The following CCT5 variants were observed in gnomAD, a reference collection of about 807,000 sequenced individuals.
CCT5 encodes chaperonin containing TCP1 subunit 5.
Under a neutral mutation model 55.0 loss-of-function variants are expected in CCT5, and 6 were observed. The observed-to-expected ratio is 0.11, with a 90% CI of 0.06 to 0.22. The LOEUF is 0.22. Among genes scored for constraint, CCT5 ranks in the 10% least tolerant of loss-of-function variants. CCT5 has a pLI of 1.00. For missense variants in CCT5, 560 were observed against 694.6 expected (o/e 0.81, Z 2.18); for synonymous variants, 231 against 243.7 (o/e 0.95, Z 0.49).
At chr5:10,254,410 A>G in intron 2 of CCT5, 1 of 494,506 alleles carries the variant, frequency 2.0e-6, no homozygotes, top group South Asian at 2.7e-5. Context: ...TTTTTTTTTT[A>G]GCATGTAACA....
chr5:10,262,184 G>T, intron 8 of CCT5: 2 of 425,014 alleles, frequency 4.7e-6, no homozygotes, highest in Non-Finnish European at 4.4e-6. Flanking sequence ...AACCATTGAC[G>T]ATCTCTGTTC....
chr5:10,250,514 G>A lies in CCT5; in HGVS notation c.105+69G>A, dbSNP rs892468993. 81 of 1,592,200 alleles carry A rather than the reference G, an allele frequency of 5.1e-5. 1 individual carries two copies. In the East Asian group the frequency reaches 1.8e-3, roughly 36 times the overall value. The stretch of plus-strand genomic sequence containing the variant: ...GCCGAGGCCGTGGCTCTGCGCCTGC[G>A]CGAGTTGAGGAGCGGCTCTGCCATG... On this transcript the variant is annotated intron_variant, in intron 1 of 10. Transcript: ENST00000280326.
intron 10 of CCT5, among the ~76,000 whole-genome samples, chr5:10,264,351 A>C (rs1184007535): frequency 6.6e-6 from 1 of 152,192 alleles, no homozygotes; most frequent in South Asian, 2.1e-4. Flanking sequence ...TAGATTTCCT[A>C]AGTTAGGGTA....
chr5:10,262,312 T>C, intron 8 of CCT5, 169 bp from the exon 9 acceptor site: 2 of 740,900 alleles, frequency 2.7e-6, no homozygotes, highest in East Asian at 5.6e-5. Flanking sequence ...TCTTGAATTT[T>C]GTTAACTACA....
chr5:10,250,608 T>C, intron 1 of CCT5, 163 bp downstream of exon 1: 6 of 1,450,754 alleles, frequency 4.1e-6, no homozygotes, highest in Non-Finnish European at 5.4e-6. Flanking sequence ...CTTACTGAGC[T>C]CGGGAGACGC....
rs1473097445 is a variant in CCT5 at position 10,260,779 on chromosome 5, G to C, written c.874-13G>C. 1 of 1,612,954 alleles carries C rather than the reference G, an allele frequency of 6.2e-7. No individual in the cohort carries two copies. The highest frequency in any genetic ancestry group is 8.5e-7 in the Non-Finnish European group (1 of 1,179,726). ...ACTTTCTCTTAATACGATTGTGGTG[G>C]TTCTTTTCCCAGATTAAAGAGACTG... On this transcript the variant is annotated splice_polypyrimidine_tract_variant and intron_variant, in intron 6 of 10. Transcript: ENST00000280326.
At chr5:10,249,926 AAAAAAAAAC>A (rs1403731157), upstream of CCT5, 11,974 of 947,026 alleles carry the variant, frequency 0.013, 680 homozygotes, top group East Asian at 0.21. Context: ...AAAAAAAAAA[AAAAAAAAAC>A]CGGAAATGGG....
intron 6 of CCT5, among the ~76,000 whole-genome samples, chr5:10,259,329 C>T (rs147963382): frequency 2.0e-5 from 3 of 152,276 alleles, no homozygotes; most frequent in African/African-American, 7.2e-5. Context: ...AAGACAGGAA[C>T]GTGGGTTGGT....
chr5:10,258,315 C>A lies in CCT5; in HGVS notation c.723+12C>A. 1 of 1,614,034 alleles carries A rather than the reference C, an allele frequency of 6.2e-7. No homozygotes were observed. Among genetic ancestry groups the A allele is most frequent in the Non-Finnish European group, 8.5e-7 (1 of 1,179,956 alleles). On this transcript the variant is annotated intron_variant, in intron 5 of 10. Coordinates refer to ENST00000280326, the MANE Select transcript of CCT5 (RefSeq NM_012073.5). ...CACAGATGCCAAAAGTGAGCCATTG[C>A]ATCTCACAGCTTCGCACTGTTGGTT...
upstream of CCT5, chr5:10,250,216 A>G (rs552002776): frequency 2.7e-4 from 413 of 1,557,114 alleles, 3 homozygotes; most frequent in East Asian, 6.6e-3. Context: ...CAGTAGAAAC[A>G]TAAGTCCCGC....
rs555586616 is a variant in CCT5, at chr5:10,259,092, T to A, written c.873+557T>A. Among the ~76,000 whole-genome samples, 5 of 152,350 alleles carry A rather than the reference T, an allele frequency of 3.3e-5. No individual in the cohort carries two copies. The East Asian group carries it at 7.7e-4, about 23-fold the overall frequency. On this transcript the variant is annotated intron_variant, in intron 6 of 10. Transcript: ENST00000280326. ...TATTATATTTGCCGTCCTGGACAAA[T>A]TTAACTTAGCTTACCTTGCCTTTAA...
At chr5:10,250,681 G>T (rs1189081152) in intron 1 of CCT5, 7 of 1,398,598 alleles carry the variant, frequency 5.0e-6, no homozygotes, top group African/African-American at 1.5e-5. Context: ...GCGCCCTTCG[G>T]AGCTGGGTGG....
chr5:10,251,448 G>A (rs1270887014), intron 1 of CCT5, among the ~76,000 whole-genome samples: 1 of 152,148 alleles, frequency 6.6e-6, no homozygotes, highest in Non-Finnish European at 1.5e-5. Context: ...GGGACACTCC[G>A]AGAGGGCCTT....
At chr5:10,263,472 A>C (rs1036167467) in intron 10 of CCT5, among the ~76,000 whole-genome samples, 158 bp downstream of exon 10, 5 of 152,250 alleles carry the variant, frequency 3.3e-5, no homozygotes, top group African/African-American at 1.2e-4. Context: ...TGATTGCCGT[A>C]GGAATTGGTT....
At chr5:10,264,512 T>C (rs920648077) in intron 10 of CCT5, 144 bp from the exon 11 acceptor site, 79 of 687,928 alleles carry the variant, frequency 1.1e-4, no homozygotes, top group Non-Finnish European at 3.7e-5. Context: ...AAATGAAATA[T>C]AACTGAAATT....
At position 10,256,051 on chromosome 5, in the gene CCT5, T is replaced by C; in HGVS notation, c.428T>C (p.Val143Ala). The change falls in exon 4 of 11, where the codon GTT becomes GCT. Residue 143 changes from valine to alanine, a missense_variant. By Grantham distance (64) the Val-to-Ala change is moderately conservative (BLOSUM62 0). Transcript: ENST00000280326. Reference protein sequence around the residue: ...IADGYEQAARVAIEHLDKISD... With the variant: ...IADGYEQAARAAIEHLDKISD... ...GATGGCTATGAGCAGGCTGCTCGTG[T>C]TGCTATTGAACACCTGGACAAGATC... 1 of 1,614,096 alleles carries C rather than the reference T, an allele frequency of 6.2e-7. No homozygotes were observed. The highest frequency in any genetic ancestry group is 8.5e-7 in the Non-Finnish European group (1 of 1,179,928).
chr5:10,257,066 T>C (rs576961654), intron 4 of CCT5, among the ~76,000 whole-genome samples: 22 of 152,372 alleles, frequency 1.4e-4, no homozygotes, highest in African/African-American at 5.3e-4. Context: ...TATTACATTA[T>C]ATTAAATCAG....
rs773546685 is a variant in CCT5 at position 10,250,287 on chromosome 5, C to T, written c.-54C>T. On this transcript the variant is annotated 5_prime_UTR_variant, in exon 1 of 11. Coordinates refer to ENST00000280326, the MANE Select transcript of CCT5 (RefSeq NM_012073.5). Reference sequence around the variant, plus strand: ...CTCCCGAGAAAGGGAAGTGCATTCTCGCTTCCGTAGCGGTCTCCGCCGGTT... The same window carrying T: ...CTCCCGAGAAAGGGAAGTGCATTCTTGCTTCCGTAGCGGTCTCCGCCGGTT... The T allele has an allele frequency of 5.0e-6, 8 of 1,612,602 alleles. No homozygotes were observed. The East Asian group carries it at 1.3e-4, about 27-fold the overall frequency.
chr5:10,252,044 G>A (rs576984406), intron 1 of CCT5, among the ~76,000 whole-genome samples: 3 of 152,330 alleles, frequency 2.0e-5, no homozygotes, highest in South Asian at 4.1e-4. Context: ...CAGGGCCACC[G>A]CTGTCAGAGT....
Sources: allele counts gnomAD v4.1 joint callset (sites outside exome capture counted in the v4.1 genomes callset), GRCh38; gene constraint gnomAD v4.1.1; transcripts MANE v1.5; gene names NCBI Gene and HGNC (gene_info 2026-07-23, HGNC 2026-07-21).